GSK3B: variants seen among roughly 807,000 people sequenced by gnomAD.
The protein encoded by GSK3B is glycogen synthase kinase 3 beta.
In GSK3B, 15 loss-of-function variants were observed where a neutral mutation model predicts 56.4. The observed-to-expected ratio is 0.27, with a 90% confidence interval of 0.18 to 0.41. The LOEUF (loss-of-function observed/expected upper bound fraction) is 0.41, where lower values mean the gene tolerates loss of function less well. Ranked by LOEUF, GSK3B falls within the 10% of genes least tolerant of loss-of-function variation. The pLI is 1.00. For missense variants in GSK3B, 300 were observed against 513.4 expected (o/e 0.58, Z 4.02); for synonymous variants, 181 against 188.9 (o/e 0.96, Z 0.34).
intron 2 of GSK3B, among the ~76,000 whole-genome samples, chr3:119,984,880 CA>C (rs1484234690): frequency 6.6e-6 from 1 of 152,002 alleles, no homozygotes; most frequent in African/African-American, 2.4e-5. Context: ...GGCAGAGACA[CA>C]ACAAAAAAAG....
chr3:119,973,841 G>A (rs149915719), intron 2 of GSK3B, among the ~76,000 whole-genome samples: 2 of 152,004 alleles, frequency 1.3e-5, no homozygotes, highest in Non-Finnish European at 2.9e-5. Flanking sequence ...CATCCACTGG[G>A]GGTCTTGGAA....
intron 2 of GSK3B, among the ~76,000 whole-genome samples, chr3:119,979,897 C>T (rs566213934): frequency 4.3e-4 from 66 of 152,138 alleles, no homozygotes; most frequent in Non-Finnish European, 7.9e-4. Context: ...TCCAGCTATA[C>T]CTGTTTATTA....
intron 2 of GSK3B, among the ~76,000 whole-genome samples, chr3:119,953,542 G>A (rs2057179843): frequency 6.6e-6 from 1 of 152,052 alleles, no homozygotes; most frequent in East Asian, 1.9e-4. Context: ...TGTTGGCAGA[G>A]ACAGACAGAG....
chr3:119,826,811 C>G lies in GSK3B; in HGVS notation c.1240G>C (p.Ala414Pro). 1 of 1,613,062 alleles carries G rather than the reference C, an allele frequency of 6.2e-7. No homozygotes were observed. The highest frequency in any genetic ancestry group is 2.2e-5 in the East Asian group (1 of 44,878). Residue 414 changes from alanine to proline, a missense_variant, in exon 11 of 11, where the codon GCA becomes CCA. Ala to Pro is a conservative substitution (Grantham distance 27). Around this residue, in one of 6 missense-constraint regions of GSK3B, gnomAD observed 88 missense variants for 92.7 expected, o/e 0.95. Transcript: ENST00000264235. ...GTTCAGGTGGAGTTGGAAGCTGATG[C>G]AGAAGCAGCATTATTGGTCTGTCCA... The part of the protein sequence containing the change: ...DRGQTNNAAS[A>P]SASNST
intron 1 of GSK3B, chr3:120,029,283 TAG>T (rs1485205639): frequency 1.1e-5 from 8 of 740,804 alleles, no homozygotes; most frequent in African/African-American, 5.2e-5. Flanking sequence ...ATTCTGTTTA[TAG>T]AGAGTACCTT....
At chr3:120,000,969 AGCTGGAGTGCAGTGGCGCGAT>A (rs1385431882) in intron 2 of GSK3B, among the ~76,000 whole-genome samples, 104 of 138,252 alleles carry the variant, frequency 7.5e-4, no homozygotes, top group African/African-American at 2.7e-3. Flanking sequence ...CTGTCCCCCA[AGCTGGAGTGCAGTGGCGCGAT>A]CTCGGCTCAC....
intron 3 of GSK3B, among the ~76,000 whole-genome samples, chr3:119,935,427 G>A (rs1285833851): frequency 6.6e-6 from 1 of 152,006 alleles, no homozygotes; most frequent in East Asian, 1.9e-4. Context: ...AAAGAACAAC[G>A]ACAACAAAAT....
chr3:119,985,608 C>T (rs1028579384), intron 2 of GSK3B, among the ~76,000 whole-genome samples: 10 of 152,094 alleles, frequency 6.6e-5, no homozygotes, highest in African/African-American at 2.4e-4. Context: ...AATTAAATAC[C>T]TAGGAATACA....
intron 2 of GSK3B, among the ~76,000 whole-genome samples, chr3:119,981,335 T>C (rs891760662): frequency 8.5e-5 from 13 of 152,278 alleles, no homozygotes; most frequent in Admixed American, 1.3e-4. Context: ...GTTCATCTCA[T>C]TGGGAATGGT....
chr3:119,996,150 G>A (rs1004840907), intron 2 of GSK3B, among the ~76,000 whole-genome samples: 14 of 152,078 alleles, frequency 9.2e-5, no homozygotes, highest in South Asian at 2.1e-4. Flanking sequence ...CTTTCAAACC[G>A]CTCATTAGAC....
At chr3:119,896,711 C>A (rs181635932) in intron 7 of GSK3B, among the ~76,000 whole-genome samples, 21 of 152,122 alleles carry the variant, frequency 1.4e-4, no homozygotes, top group African/African-American at 3.9e-4. Context: ...CCTTTTATTG[C>A]AAAAAAGGAA....
chr3:119,945,577 A>C (rs1458119016), intron 3 of GSK3B, among the ~76,000 whole-genome samples: 2 of 152,148 alleles, frequency 1.3e-5, no homozygotes, highest in African/African-American at 4.8e-5. Context: ...TTTCCACCAA[A>C]CCAAAACCAG....
intron 1 of GSK3B, among the ~76,000 whole-genome samples, chr3:120,091,161 A>AT (rs914820933): frequency 3.3e-5 from 5 of 151,598 alleles, no homozygotes; most frequent in South Asian, 4.2e-4. Flanking sequence ...TATTGTTTTA[A>AT]TTTTTTTTTC....
chr3:120,084,440 G>A (rs758783207), intron 1 of GSK3B: 1 of 152,196 alleles, frequency 6.6e-6, no homozygotes, highest in Non-Finnish European at 1.5e-5. Flanking sequence ...AGGACTGGAG[G>A]ACAGAAGATT....
chr3:120,018,022 T>C (rs761211118), intron 1 of GSK3B, among the ~76,000 whole-genome samples: 3 of 152,204 alleles, frequency 2.0e-5, no homozygotes, highest in Non-Finnish European at 4.4e-5. Context: ...TTCATATATT[T>C]GACAGTTTTC....
At chr3:120,019,574 A>C (rs2057855615) in intron 1 of GSK3B, among the ~76,000 whole-genome samples, 1 of 152,210 alleles carries the variant, frequency 6.6e-6, no homozygotes, top group South Asian at 2.1e-4. Context: ...CTGAGGAAAC[A>C]ATTTCTTTTC....
intron 10 of GSK3B, among the ~76,000 whole-genome samples, chr3:119,828,202 G>A (rs1262095918): frequency 6.6e-6 from 1 of 152,092 alleles, no homozygotes; most frequent in Non-Finnish European, 1.5e-5. Context: ...TTAGAAATAC[G>A]TACAACTCTA....
At chr3:119,905,702 A>T in intron 7 of GSK3B, 53 bp downstream of exon 7, 1 of 990,446 alleles carries the variant, frequency 1.0e-6, no homozygotes, top group Non-Finnish European at 1.6e-6. Context: ...ATATATTATT[A>T]AAGTAGCACA....
At position 119,947,320 on chromosome 3, in the gene GSK3B, T is replaced by C. The variant is rs1189138605; in HGVS notation, c.314A>G (p.Asp105Gly). 1 of 1,606,446 alleles carries C rather than the reference T, an allele frequency of 6.2e-7. No individual in the cohort carries two copies. The highest frequency in any genetic ancestry group is 1.7e-5 in the Admixed American group (1 of 60,012). The change falls in exon 3 of 11, where the codon GAT (aspartate) becomes GGT (glycine). Residue 105 changes from aspartate (D) to glycine (G), a missense_variant. Transcript: ENST00000264235. ...ACGCAATCGGACTATGTTACAGTGA[T>C]CTAGCTTTCTCATGATCTGGAGCTC... ...NRELQIMRKL[D>G]HCNIVRLRYF... is the part of the protein sequence containing the mutation.
Sources: allele counts gnomAD v4.1 joint callset (sites outside exome capture counted in the v4.1 genomes callset), GRCh38; gene constraint gnomAD v4.1.1; regional missense constraint gnomAD v4.1.1; transcripts MANE v1.5; gene names NCBI Gene and HGNC (gene_info 2026-07-23, HGNC 2026-07-21).